Variants in CCDC60 observed in about 807,000 individuals in gnomAD.
CCDC60 encodes the protein coiled-coil domain containing 60.
CCDC60 carries 54 observed loss-of-function variants against 63.5 expected under a neutral mutation model. The ratio of observed to expected loss-of-function variants is 0.85; its 90% CI spans 0.68 to 1.07. CCDC60 has a LOEUF of 1.07. CCDC60 is among the 50% of genes least tolerant of loss of function. The probability of loss-of-function intolerance (pLI) is 0.00; values close to 1 mark genes in which losing one functional copy is unlikely to be tolerated. For synonymous variants in CCDC60, 206 were observed against 238.8 expected, an observed-to-expected ratio of 0.86 and a Z score of 1.27; for missense variants, 651 against 684.3, an observed-to-expected ratio of 0.95 and a Z score of 0.54.
intron 1 of CCDC60, among the ~76,000 whole-genome samples, chr12:119,347,322 G>A (rs186558640): frequency 1.2e-3 from 177 of 152,240 alleles, no homozygotes; most frequent in African/African-American, 3.8e-3. Context: ...GTTGATAATC[G>A]TAAACAGCTT....
intron 5 of CCDC60, among the ~76,000 whole-genome samples, chr12:119,496,630 A>C (rs1287628428): frequency 6.6e-6 from 1 of 152,212 alleles, no homozygotes; most frequent in East Asian, 1.9e-4. Flanking sequence ...TGAAGCCCTT[A>C]ATAAGCCCCA....
chr12:119,445,975 TACTGCTTA>T (rs1259616648), intron 2 of CCDC60, among the ~76,000 whole-genome samples: 2 of 152,126 alleles, frequency 1.3e-5, no homozygotes, highest in East Asian at 3.9e-4. Context: ...GTGCAGTGTA[TACTGCTTA>T]GGTGATGGAT....
intron 1 of CCDC60, among the ~76,000 whole-genome samples, chr12:119,345,199 C>A (rs1282624883): frequency 3.9e-5 from 6 of 152,106 alleles, no homozygotes; most frequent in Non-Finnish European, 7.3e-5. Context: ...GCCAAACCAA[C>A]CCTGCTTAAG....
intron 1 of CCDC60, among the ~76,000 whole-genome samples, chr12:119,344,685 A>T (rs989256805): frequency 2.0e-5 from 3 of 152,190 alleles, no homozygotes; most frequent in African/African-American, 7.2e-5. Flanking sequence ...TCTTTAATGA[A>T]GTTTAAAAGT....
intron 1 of CCDC60, among the ~76,000 whole-genome samples, chr12:119,389,832 G>A (rs1307697642): frequency 6.6e-6 from 1 of 152,026 alleles, no homozygotes; most frequent in Non-Finnish European, 1.5e-5. Flanking sequence ...ATTCATTTGG[G>A]TAGTGGCTTT....
At chr12:119,468,597 C>T (rs183609851) in intron 2 of CCDC60, among the ~76,000 whole-genome samples, 4 of 152,198 alleles carry the variant, frequency 2.6e-5, no homozygotes, top group African/African-American at 9.6e-5. Flanking sequence ...GGAGCACATT[C>T]ATAAAGAGCA....
At chr12:119,337,824 T>TTGTGTGTGTG (rs60009617) in intron 1 of CCDC60, among the ~76,000 whole-genome samples, 74 of 140,654 alleles carry the variant, frequency 5.3e-4, no homozygotes, top group African/African-American at 1.5e-3. Context: ...GTGTGTGTAT[T>TTGTGTGTGTG]TGTGTGTGTG....
intron 1 of CCDC60, among the ~76,000 whole-genome samples, chr12:119,343,990 G>A (rs61939529): frequency 0.092 from 14,039 of 152,016 alleles, 839 homozygotes; most frequent in Non-Finnish European, 0.14. Context: ...GTCCCAAAGG[G>A]TTGTCAAATT....
chr12:119,508,763 T>C (rs1952128077), intron 7 of CCDC60, among the ~76,000 whole-genome samples: 2 of 152,168 alleles, frequency 1.3e-5, no homozygotes, highest in Non-Finnish European at 2.9e-5. Context: ...AAGTTTTCAG[T>C]ACAGGAGGGA....
At chr12:119,529,600 G>T (rs1248532192) in intron 12 of CCDC60, among the ~76,000 whole-genome samples, 1 of 152,138 alleles carries the variant, frequency 6.6e-6, no homozygotes, top group African/African-American at 2.4e-5. Flanking sequence ...CTTACAAGCA[G>T]GTCCCTGGAG....
At chr12:119,360,115 C>T (rs1955761233) in intron 1 of CCDC60, among the ~76,000 whole-genome samples, 1 of 151,570 alleles carries the variant, frequency 6.6e-6, no homozygotes, top group Admixed American at 6.6e-5. Context: ...GGCGGCCGGG[C>T]AGAGGCACCC....
intron 2 of CCDC60, among the ~76,000 whole-genome samples, chr12:119,432,663 C>T (rs1012205362): frequency 1.3e-5 from 2 of 152,136 alleles, no homozygotes; most frequent in African/African-American, 4.8e-5. Flanking sequence ...TTGACTCAGC[C>T]TAAGGAGGGC....
At position 119,471,985 on chromosome 12, in the gene CCDC60, T is replaced by C. The variant is rs1235273167; in HGVS notation, c.171-9T>C. The C allele has an allele frequency of 1.9e-6, 3 of 1,611,308 alleles. No homozygotes were observed. The highest frequency in any genetic ancestry group is 4.5e-5 in the East Asian group (2 of 44,852). ...CCCTCTCTCCCTCTTCCTCCCTGCA[T>C]GTCTCCAGCTTTTTGATCCAGTCTG... On this transcript the variant is annotated splice_polypyrimidine_tract_variant and intron_variant, in intron 2 of 13. Transcript: ENST00000327554.
chr12:119,458,122 A>C (rs1177872538), intron 2 of CCDC60, among the ~76,000 whole-genome samples: 5 of 152,268 alleles, frequency 3.3e-5, no homozygotes, highest in Admixed American at 6.5e-5. Flanking sequence ...GGCCTGAGCC[A>C]GCCAGATGAA....
chr12:119,406,000 C>T (rs113207008), intron 1 of CCDC60, among the ~76,000 whole-genome samples: 43 of 152,162 alleles, frequency 2.8e-4, no homozygotes, highest in African/African-American at 8.7e-4. Flanking sequence ...AGAGAAACTC[C>T]GCCCTTACTA....
At chr12:119,438,006 A>C (rs1950360577) in intron 2 of CCDC60, among the ~76,000 whole-genome samples, 1 of 152,204 alleles carries the variant, frequency 6.6e-6, no homozygotes, top group Non-Finnish European at 1.5e-5. Context: ...CAGAACTGGT[A>C]AACACAACTG....
intron 4 of CCDC60, chr12:119,479,685 C>T (rs1011069363): frequency 6.6e-6 from 1 of 152,580 alleles, no homozygotes; most frequent in Non-Finnish European, 1.5e-5. Flanking sequence ...TCTTGTTCCC[C>T]TTGTGTCTAT....
At chr12:119,458,831 C>G (rs902942582) in intron 2 of CCDC60, among the ~76,000 whole-genome samples, 1 of 152,138 alleles carries the variant, frequency 6.6e-6, no homozygotes, top group Non-Finnish European at 1.5e-5. Flanking sequence ...ACAGTAACCT[C>G]CACCTCCTGG....
chr12:119,513,363 C>G (rs896975399), intron 7 of CCDC60, among the ~76,000 whole-genome samples: 2 of 152,160 alleles, frequency 1.3e-5, no homozygotes, highest in African/African-American at 4.8e-5. Flanking sequence ...GTTCTGGATA[C>G]TAAACATCCA....
Sources: gnomAD v4.1 joint callset for allele counts (sites outside exome capture counted in the v4.1 genomes callset) on GRCh38, gnomAD v4.1.1 for gene constraint, MANE v1.5 for transcripts, NCBI Gene and HGNC (gene_info 2026-07-23, HGNC 2026-07-21) for gene names.